EPPK1: variants seen among roughly 807,000 people sequenced by gnomAD.
The protein encoded by EPPK1 is epiplakin.
For missense variants in EPPK1, 3,823 were observed against 3,673.3 expected (o/e 1.04, Z -1.05); for synonymous variants, 1,862 against 1,721.2 (o/e 1.08, Z -2.03).
At position 143,869,487 on chromosome 8, in the gene EPPK1, G is replaced by A. The variant is rs782130138; in HGVS notation, c.3767C>T (p.Ser1256Phe). The change falls in exon 2 of 2, where the codon TCT (serine) becomes TTT (phenylalanine). Residue 1256 changes from serine to phenylalanine, a missense_variant. Transcript: ENST00000615648. Reference sequence around the variant, plus strand: ...CTGGGCGATGCTGGCCTTGGCCCCAGAGGGCTGTAGCAGCACACCGGCCAC... The same window carrying A: ...CTGGGCGATGCTGGCCTTGGCCCCAAAGGGCTGTAGCAGCACACCGGCCAC... ...GCVAGVLLQP[S>F]GAKASIAQAV... The A allele has an allele frequency of 1.3e-6, 2 of 1,547,992 alleles. No individual in the cohort carries two copies. Among genetic ancestry groups the A allele is most frequent in the East Asian group, 4.5e-5 (2 of 44,212 alleles).
At position 143,870,563 on chromosome 8, in the gene EPPK1, G is replaced by A; in HGVS notation, c.2691C>T (p.Ile897=). The change falls in exon 2 of 2, where the codon ATC becomes ATT. Residue 897 remains isoleucine (I), a synonymous_variant. Transcript: ENST00000615648. The surrounding 1 kb of genome is among the most constrained non-coding windows in gnomAD (Gnocchi z 5.2). ...CTTGGTCCAACAGCTGCTGGTCAAT[G>A]ATACCGGCCTCCAGGAGCTGGTGGA... is the stretch of plus-strand genomic sequence containing the variant. The part of the protein sequence containing the change: ...VTVHQLLEAG[I]IDQQLLDQVL... 1.9e-6 allele frequency: 3 copies of A among 1,611,736 alleles called. No homozygotes were observed. In the South Asian group the frequency reaches 3.3e-5, roughly 18 times the overall value.
Sources: gnomAD v4.1 joint callset for allele counts on GRCh38, gnomAD v4.1.1 for gene constraint, Gnocchi (gnomAD v3.1) non-coding constraint, MANE v1.5 for transcripts, NCBI Gene and HGNC (gene_info 2026-07-23, HGNC 2026-07-21) for gene names.